SEC14L5: variants seen among roughly 807,000 people sequenced by gnomAD.
The protein encoded by SEC14L5 is SEC14-like protein 5.
In SEC14L5, 96 loss-of-function variants were observed where a neutral mutation model predicts 84.6. That is an observed-to-expected ratio of 1.13 (90% CI 0.96 to 1.34). The LOEUF is 1.34. SEC14L5 is among the 40% of genes most tolerant of loss of function. SEC14L5 has a pLI of 0.00. For missense variants in SEC14L5, 1,224 were observed against 942.5 expected (o/e 1.30, Z -3.91); for synonymous variants, 546 against 383.4 (o/e 1.42, Z -4.95).
intron 2 of SEC14L5, among the ~76,000 whole-genome samples, chr16:4,970,589 G>C (rs1018765878): frequency 1.3e-5 from 2 of 152,128 alleles, no homozygotes; most frequent in African/African-American, 4.8e-5. Context: ...TAAGTCATCC[G>C]CCCTCCCGGA....
Position 4,998,552 on chromosome 16 carries a change from A to C in SEC14L5, c.970+1508A>C, listed in dbSNP as rs1401236967. ...AGGAGATCGAGACCATCCCGGCTAA[A>C]ACGGTGAAACCCCGTCTCTACTAAA... On this transcript the variant is annotated intron_variant, in intron 8 of 15. Transcript: ENST00000251170. 7.4e-5 allele frequency among the ~76,000 whole-genome samples: 11 copies of C among 148,356 alleles called. 1 individual carries two copies. The highest frequency in any genetic ancestry group is 2.2e-4 in the South Asian group (1 of 4,618).
chr16:5,000,754 G>A lies in SEC14L5; in HGVS notation c.1059+11G>A, dbSNP rs1162794726. On this transcript the variant is annotated intron_variant, in intron 9 of 15. Transcript: ENST00000251170. ...GCGCTGCTGCGGCATGTGAGTCAGG[G>A]GCCTCGTTCCTGGACGCCGTGCCTG... 1 of 1,553,526 alleles carries A rather than the reference G, an allele frequency of 6.4e-7. No individual in the cohort carries two copies. The highest frequency in any genetic ancestry group is 8.7e-7 in the Non-Finnish European group (1 of 1,148,164).
At position 4,991,819 on chromosome 16, in the gene SEC14L5, G is replaced by T. The variant is rs577797513; in HGVS notation, c.475-19G>T. The T allele has an allele frequency of 6.3e-7, 1 of 1,575,174 alleles. No individual in the cohort carries two copies. On this transcript the variant is annotated intron_variant, in intron 5 of 15. Coordinates refer to ENST00000251170, the MANE Select transcript of SEC14L5 (RefSeq NM_014692.2). ...ATCCTGCCCCGTGCTCATGTGTCTT[G>T]GGTCTCTCTGGCTTCCAGGGGAAGG...
At chr16:5,003,737 C>G (rs1049531164) in intron 11 of SEC14L5, among the ~76,000 whole-genome samples, 164 bp downstream of exon 11, 8 of 152,312 alleles carry the variant, frequency 5.3e-5, no homozygotes, top group African/African-American at 1.9e-4. Context: ...AGTATAGACT[C>G]CAGTGGTCTT....
chr16:4,990,354 A>G (rs960387228), intron 4 of SEC14L5, among the ~76,000 whole-genome samples: 4 of 152,018 alleles, frequency 2.6e-5, no homozygotes, highest in African/African-American at 9.7e-5. Flanking sequence ...GTAGAGATGG[A>G]GTTTCACCAT....
Position 4,991,861 on chromosome 16 carries a change from C to T in SEC14L5, c.498C>T (p.Tyr166=). 1 of 1,608,754 alleles carries T rather than the reference C, an allele frequency of 6.2e-7. No individual in the cohort carries two copies. ...AGGGGAAGGAGGTGATTGAGCATTA[C>T]CTGAATGAGCTCATCTCCCAGGGTA... ...VKRGKEVIEH[Y]LNELISQGTS... is the part of the protein sequence containing the mutation. The change falls in exon 6 of 16, where the codon TAC becomes TAT. Residue 166 remains tyrosine (Y), a synonymous_variant. Coordinates refer to ENST00000251170, the MANE Select transcript of SEC14L5 (RefSeq NM_014692.2).
chr16:5,014,615 C>T (rs778300849), intron 15 of SEC14L5, among the ~76,000 whole-genome samples: 14 of 152,222 alleles, frequency 9.2e-5, no homozygotes, highest in Non-Finnish European at 1.9e-4. Context: ...TAGGGCCATG[C>T]AAGGGCCTCA....
chr16:5,017,184 G>C lies in SEC14L5; in HGVS notation c.*2214G>C, dbSNP rs527710477. The C allele has an allele frequency of 2.6e-5, 4 of 151,074 alleles. No homozygotes were observed. The highest frequency in any genetic ancestry group is 4.2e-4 in the South Asian group (2 of 4,748). 9.4% of individuals were successfully genotyped at this position (151,074 alleles called of 1,614,324 possible). A position where few individuals can be genotyped will look rare whatever the true frequency, so the allele number is the denominator to read the frequency against. On this transcript the variant is annotated 3_prime_UTR_variant, in exon 16 of 16. Transcript: ENST00000251170. ...GGAACTGCCTGTTCCAGAGGCGGGTGGGGGGAGGGGAGTCTGCTATCAGCT... is the reference window on the plus strand; with the variant it reads ...GGAACTGCCTGTTCCAGAGGCGGGTCGGGGGAGGGGAGTCTGCTATCAGCT...
rs1411809144 is a variant in SEC14L5 at position 5,011,285 on chromosome 16, C to A, written c.1979+12C>A. 1.2e-6 allele frequency: 2 copies of A among 1,608,322 alleles called. No individual in the cohort carries two copies. Among genetic ancestry groups the A allele is most frequent in the Non-Finnish European group, 8.5e-7 (1 of 1,175,492 alleles). On this transcript the variant is annotated intron_variant, in intron 15 of 15. Coordinates refer to ENST00000251170, the MANE Select transcript of SEC14L5 (RefSeq NM_014692.2). ...TCTGAGGACTTCAGGTAGGAGGGCT[C>A]CGGAGCGGGGTCCTGGGCAGGAAGG...
chr16:5,007,661 A>G (rs1382701691), intron 13 of SEC14L5, among the ~76,000 whole-genome samples, 175 bp downstream of exon 13: 2 of 140,902 alleles, frequency 1.4e-5, no homozygotes, highest in African/African-American at 2.7e-5. Context: ...GCTGGAGTGC[A>G]GTGGTGCAAT....
At chr16:5,013,034 G>C (rs529022819) in intron 15 of SEC14L5, among the ~76,000 whole-genome samples, 16 of 152,256 alleles carry the variant, frequency 1.1e-4, no homozygotes, top group African/African-American at 3.9e-4. Context: ...GGTCAGGAGA[G>C]AGAGAGAGCA....
At chr16:4,967,961 C>T (rs1202135824) in intron 2 of SEC14L5, among the ~76,000 whole-genome samples, 4 of 135,910 alleles carry the variant, frequency 2.9e-5, no homozygotes, top group African/African-American at 8.2e-5. Context: ...CCCCCTCCCC[C>T]TTCCCCTCCC....
intron 15 of SEC14L5, 34 bp from the exon 16 acceptor site, chr16:5,014,823 TGA>T (rs1428035626): frequency 2.0e-6 from 3 of 1,529,612 alleles, no homozygotes; most frequent in Middle Eastern, 3.4e-4. Flanking sequence ...CTTGTCACTG[TGA>T]GAGGGTAACG....
intron 15 of SEC14L5, among the ~76,000 whole-genome samples, chr16:5,014,215 G>T (rs1424642452): frequency 6.6e-6 from 1 of 152,246 alleles, no homozygotes; most frequent in East Asian, 1.9e-4. Flanking sequence ...CCAGTGGCTG[G>T]TGTGTTGGAC....
chr16:4,962,057 C>A (rs1218158733), intron 2 of SEC14L5, among the ~76,000 whole-genome samples: 2 of 150,758 alleles, frequency 1.3e-5, no homozygotes. Flanking sequence ...CAGTCATCCC[C>A]ATTTCACAAA....
Position 4,996,479 on chromosome 16 carries a change from C to G in SEC14L5, c.780+19C>G, listed in dbSNP as rs751289140. ...AGGCAAGGTGGGTGCAGGGGGTACC[C>G]TGGAGCAGTGGATGAATGGGCAATG... On this transcript the variant is annotated intron_variant, in intron 7 of 15. Coordinates refer to ENST00000251170, the MANE Select transcript of SEC14L5 (RefSeq NM_014692.2). 5.1e-5 allele frequency: 71 copies of G among 1,397,908 alleles called. No individual in the cohort carries two copies. Among genetic ancestry groups the G allele is most frequent in the Non-Finnish European group, 6.1e-5 (61 of 1,006,334 alleles). The allele number at this position is 1,397,908 out of a possible 1,614,324, so 86.6% of individuals were successfully genotyped here.
chr16:5,009,738 C>G (rs183728994), intron 14 of SEC14L5, among the ~76,000 whole-genome samples: 6 of 152,182 alleles, frequency 3.9e-5, no homozygotes, highest in African/African-American at 1.4e-4. Flanking sequence ...TTAACTCAAG[C>G]AGGGGGAAGG....
intron 2 of SEC14L5, among the ~76,000 whole-genome samples, chr16:4,980,583 C>T (rs1014707081): frequency 4.6e-5 from 7 of 152,144 alleles, no homozygotes; most frequent in African/African-American, 1.7e-4. Context: ...TGCTGGTTAG[C>T]ATTGTTAGCG....
chr16:5,015,435 G>C lies in SEC14L5; in HGVS notation c.*465G>C, dbSNP rs929298322. The C allele has an allele frequency of 6.2e-6, 1 of 160,790 alleles. No individual in the cohort carries two copies. Among genetic ancestry groups the C allele is most frequent in the African/African-American group, 2.4e-5 (1 of 41,718 alleles). The allele number at this position is 160,790 out of a possible 1,614,324, so 10.0% of individuals were successfully genotyped here. A position where few individuals can be genotyped will look rare whatever the true frequency, so the allele number is the denominator to read the frequency against. On this transcript the variant is annotated 3_prime_UTR_variant, in exon 16 of 16. Coordinates refer to ENST00000251170, the MANE Select transcript of SEC14L5 (RefSeq NM_014692.2). ...CAGAGCTGAGTCTTAGCCTGGAAGG[G>C]GGAGCGATTGCCAGGTCAATTCCTG... is the stretch of plus-strand genomic sequence containing the variant.
Sources: gnomAD v4.1 joint callset for allele counts (sites outside exome capture counted in the v4.1 genomes callset) on GRCh38, gnomAD v4.1.1 for gene constraint, MANE v1.5 for transcripts, NCBI Gene and HGNC (gene_info 2026-07-23, HGNC 2026-07-21) for gene names.